CNTLN: variants seen among roughly 807,000 people sequenced by gnomAD.
CNTLN encodes centlein.
Under a neutral mutation model 180.0 loss-of-function variants are expected in CNTLN, and 212 were observed. That is an observed-to-expected ratio of 1.18 (90% CI 1.05 to 1.32). The LOEUF is 1.32. Among genes scored for constraint, CNTLN ranks in the 40% most tolerant of loss-of-function variants. The pLI is 0.00. For synonymous variants in CNTLN, 722 were observed against 563.1 expected (o/e 1.28, Z -3.99); for missense variants, 2,095 against 1,610.9 (o/e 1.30, Z -5.14).
intron 2 of CNTLN, among the ~76,000 whole-genome samples, chr9:17,173,804 T>A (rs1024887650): frequency 2.0e-5 from 3 of 152,202 alleles, no homozygotes; most frequent in African/African-American, 7.2e-5. Context: ...AATTGTAGAT[T>A]CACATGCAGT....
chr9:17,205,751 A>G (rs1822873377), intron 2 of CNTLN, among the ~76,000 whole-genome samples: 2 of 152,212 alleles, frequency 1.3e-5, no homozygotes, highest in East Asian at 3.8e-4. Flanking sequence ...GGTTTGGGGA[A>G]AACAATACTG....
At chr9:17,203,286 A>G (rs555867175) in intron 2 of CNTLN, among the ~76,000 whole-genome samples, 3 of 151,974 alleles carry the variant, frequency 2.0e-5, no homozygotes, top group Admixed American at 6.5e-5. Context: ...CTTCATTTCA[A>G]CGTTGGAGAA....
chr9:17,197,724 A>G (rs1248188938), intron 2 of CNTLN, among the ~76,000 whole-genome samples: 1 of 152,120 alleles, frequency 6.6e-6, no homozygotes, highest in African/African-American at 2.4e-5. Context: ...TGCTATGCAG[A>G]AGCTTTTTGA....
At chr9:17,498,778 G>C (rs530939634) in intron 25 of CNTLN, among the ~76,000 whole-genome samples, 2 of 152,208 alleles carry the variant, frequency 1.3e-5, no homozygotes, top group Admixed American at 1.3e-4. Flanking sequence ...TACCATCTGA[G>C]ATGAAACCCA....
At chr9:17,482,224 G>A (rs184940384) in intron 23 of CNTLN, among the ~76,000 whole-genome samples, 1 of 152,066 alleles carries the variant, frequency 6.6e-6, no homozygotes, top group Admixed American at 6.5e-5. Flanking sequence ...AAACTGAGAG[G>A]TATTATATAT....
chr9:17,144,322 C>T (rs1304905130), intron 2 of CNTLN, among the ~76,000 whole-genome samples: 2 of 152,004 alleles, frequency 1.3e-5, no homozygotes, highest in African/African-American at 4.8e-5. Flanking sequence ...CATTTTTTTC[C>T]TTCTGATGAT....
intron 16 of CNTLN, among the ~76,000 whole-genome samples, chr9:17,414,860 C>A (rs372539963): frequency 1.3e-5 from 2 of 152,082 alleles, no homozygotes; most frequent in Non-Finnish European, 2.9e-5. Flanking sequence ...GAGGCCGAGG[C>A]GAGTGGCTCA....
chr9:17,183,219 G>A (rs1374393689), intron 2 of CNTLN, among the ~76,000 whole-genome samples: 2 of 152,100 alleles, frequency 1.3e-5, no homozygotes, highest in Admixed American at 1.3e-4. Context: ...TTTATAATTA[G>A]TAAACCAAAA....
At chr9:17,214,263 C>G (rs1240797839) in intron 2 of CNTLN, among the ~76,000 whole-genome samples, 1 of 152,114 alleles carries the variant, frequency 6.6e-6, no homozygotes, top group Non-Finnish European at 1.5e-5. Context: ...GTGACAAAAT[C>G]TCTCAGCATT....
At chr9:17,208,792 G>C (rs1823093542) in intron 2 of CNTLN, among the ~76,000 whole-genome samples, 1 of 151,930 alleles carries the variant, frequency 6.6e-6, no homozygotes, top group Non-Finnish European at 1.5e-5. Context: ...GAATTTCTGT[G>C]GTATTGGTTG....
intron 12 of CNTLN, among the ~76,000 whole-genome samples, chr9:17,363,412 A>G (rs984175772): frequency 2.1e-4 from 32 of 151,756 alleles, no homozygotes; most frequent in African/African-American, 7.7e-4. Flanking sequence ...AATGATCACC[A>G]TTCTAACTGG....
intron 18 of CNTLN, 75 bp from the exon 19 acceptor site, chr9:17,457,449 A>G (rs1329189952): frequency 1.3e-6 from 1 of 794,546 alleles, no homozygotes; most frequent in Non-Finnish European, 1.7e-6. Flanking sequence ...GTAGAATTTT[A>G]TGCTGATAAT....
chr9:17,263,216 C>T (rs961991752), intron 5 of CNTLN, among the ~76,000 whole-genome samples: 110 of 132,476 alleles, frequency 8.3e-4, no homozygotes, highest in Admixed American at 1.6e-3. Context: ...CAACAGTCCC[C>T]GGAGTGTGAT....
chr9:17,434,464 C>T (rs1829638435), intron 18 of CNTLN, among the ~76,000 whole-genome samples: 1 of 151,894 alleles, frequency 6.6e-6, no homozygotes, highest in South Asian at 2.1e-4. Flanking sequence ...TTTCTCTGAA[C>T]CTTCCTCTTT....
At chr9:17,358,051 A>G (rs1311241829) in intron 12 of CNTLN, among the ~76,000 whole-genome samples, 3 of 152,006 alleles carry the variant, frequency 2.0e-5, no homozygotes, top group Admixed American at 6.5e-5. Flanking sequence ...TTGGTAATAT[A>G]TTTTCCAATA....
intron 3 of CNTLN, among the ~76,000 whole-genome samples, chr9:17,231,407 G>C (rs1455218215): frequency 6.6e-6 from 1 of 151,844 alleles, no homozygotes; most frequent in African/African-American, 2.4e-5. Context: ...ATAATTATTA[G>C]TATAAAGAAT....
chr9:17,226,351 T>G (rs943954214), intron 3 of CNTLN, 64 bp downstream of exon 3: 2 of 885,662 alleles, frequency 2.3e-6, no homozygotes, highest in African/African-American at 3.6e-5. Context: ...ATCTTCAAAA[T>G]TATTTTTATT....
chr9:17,267,807 A>G (rs1224961068), intron 5 of CNTLN, among the ~76,000 whole-genome samples: 1 of 152,128 alleles, frequency 6.6e-6, no homozygotes, highest in East Asian at 1.9e-4. Flanking sequence ...CATCACTGAT[A>G]CCCTTTCTTC....
At chr9:17,380,174 G>GT (rs1825120888) in intron 13 of CNTLN, among the ~76,000 whole-genome samples, 1 of 152,180 alleles carries the variant, frequency 6.6e-6, no homozygotes, top group Non-Finnish European at 1.5e-5. Flanking sequence ...AGAAATGAGG[G>GT]TTGTCTCATT....
Sources: allele counts gnomAD v4.1 joint callset (sites outside exome capture counted in the v4.1 genomes callset), GRCh38; gene constraint gnomAD v4.1.1; transcripts MANE v1.5; gene names NCBI Gene and HGNC (gene_info 2026-07-23, HGNC 2026-07-21).